Variants in ZNF778 observed in about 807,000 individuals in gnomAD.
The protein encoded by ZNF778 is zinc finger protein 778.
ZNF778 carries 37 observed loss-of-function variants against 23.9 expected under a neutral mutation model. That is an observed-to-expected ratio of 1.54 (90% CI 1.19 to 2.03). The LOEUF (loss-of-function observed/expected upper bound fraction) is 2.03, where lower values mean the gene tolerates loss of function less well. ZNF778 is among the 30% of genes most tolerant of loss of function. The pLI is 0.00. For synonymous variants in ZNF778, 483 were observed against 343.9 expected (o/e 1.40, Z -4.48); for missense variants, 1,297 against 934.4 (o/e 1.39, Z -5.06).
intron 4 of ZNF778, among the ~76,000 whole-genome samples, chr16:89,224,112 C>T (rs2031236663): frequency 6.6e-6 from 1 of 151,338 alleles, no homozygotes; most frequent in Non-Finnish European, 1.5e-5. Flanking sequence ...TCCGAGCACT[C>T]TGGGAGGCTG....
Position 89,229,999 on chromosome 16 carries a change from G to T in ZNF778, c.*1437G>T. The T allele has an allele frequency of 1.0e-6, 1 of 982,498 alleles. No individual in the cohort carries two copies. 60.9% of individuals were successfully genotyped at this position (982,498 alleles called of 1,614,324 possible). On this transcript the variant is annotated 3_prime_UTR_variant, in exon 7 of 7. Coordinates refer to ENST00000433976, the MANE Select transcript of ZNF778 (RefSeq NM_001201407.2). ...AGGATCCAGATGTGATCCTGTGTGA[G>T]CAGTGTAGGCTCTGGTTGGTTAGTC...
chr16:89,226,847 C>T lies in ZNF778; in HGVS notation c.559C>T (p.Gln187Ter), dbSNP rs780681960. The T allele has an allele frequency of 3.1e-6, 5 of 1,613,824 alleles. No individual in the cohort carries two copies. The highest frequency in any genetic ancestry group is 1.3e-5 in the African/African-American group (1 of 74,902). The change falls in exon 7 of 7, where the codon CAG becomes TAG. Residue 187 changes from glutamine to a stop codon, truncating the protein, a stop_gained. Transcript: ENST00000433976. LOFTEE classifies it low-confidence loss of function (END_TRUNC). ...HYERDFFIPC[Q>*]KTLFKIGEQF... ...TGAAAGGGACTTTTTTATTCCATGC[C>T]AGAAAACCTTGTTCAAAATTGGAGA...
In ZNF778 at chr16:89,223,143, G is replaced by T. The variant is rs1276911089; in HGVS notation, c.118-14G>T. 4.0e-5 allele frequency: 65 copies of T among 1,611,340 alleles called. No individual in the cohort carries two copies. Among genetic ancestry groups the T allele is most frequent in the Non-Finnish European group, 5.4e-5 (64 of 1,179,206 alleles). On this transcript the variant is annotated splice_polypyrimidine_tract_variant and intron_variant, in intron 3 of 6. Coordinates refer to ENST00000433976, the MANE Select transcript of ZNF778 (RefSeq NM_001201407.2). Reference sequence around the variant, plus strand: ...CACGTTGGAAGGCTCCAACCGTCATGTGTGATGATTTAGGACGCGGTGACC... The same window carrying T: ...CACGTTGGAAGGCTCCAACCGTCATTTGTGATGATTTAGGACGCGGTGACC...
rs944689058 is a variant in ZNF778 at position 89,236,507 on chromosome 16, C to T, written c.*7945C>T. On this transcript the variant is annotated 3_prime_UTR_variant, in exon 7 of 7. Transcript: ENST00000433976. The stretch of plus-strand genomic sequence containing the variant: ...TGGTTACAGAAAACTCTTAAGGAAA[C>T]CTGGAACAAAGGAAAAGCAATAGAA... 1 of 151,988 alleles carries T rather than the reference C, an allele frequency of 6.6e-6. No individual in the cohort carries two copies. Among genetic ancestry groups the T allele is most frequent in the East Asian group, 1.9e-4 (1 of 5,180 alleles). The allele number at this position is 151,988 out of a possible 1,614,324, so 9.4% of individuals were successfully genotyped here.
intron 3 of ZNF778, among the ~76,000 whole-genome samples, chr16:89,222,877 G>A (rs1228230624): frequency 1.3e-5 from 2 of 150,720 alleles, no homozygotes; most frequent in African/African-American, 4.9e-5. Context: ...TGTTAGAGGT[G>A]TCGTTGCGGC....
chr16:89,219,225 C>T (rs968887223), intron 1 of ZNF778, among the ~76,000 whole-genome samples: 3 of 152,210 alleles, frequency 2.0e-5, no homozygotes, highest in African/African-American at 4.8e-5. Flanking sequence ...GGACTAAGAG[C>T]CCTTCAAGGT....
At chr16:89,220,306 C>T (rs1178405234) in intron 1 of ZNF778, among the ~76,000 whole-genome samples, 1 of 152,200 alleles carries the variant, frequency 6.6e-6, no homozygotes, top group Non-Finnish European at 1.5e-5. Context: ...TAAGAAAGTA[C>T]AGCTCTAGAC....
Position 89,223,165 on chromosome 16 carries a change from G to A in ZNF778, c.126G>A (p.Val42=). ...CATGTGTGATGATTTAGGACGCGGTGACCTTTGACGACGTGGCTGTGGACT... is the reference window on the plus strand; with the variant it reads ...CATGTGTGATGATTTAGGACGCGGTAACCTTTGACGACGTGGCTGTGGACT... ...GWLINCYQDA[V]TFDDVAVDFT... Residue 42 remains valine (V), a synonymous_variant, in exon 4 of 7, where the codon GTG becomes GTA. Coordinates refer to ENST00000433976, the MANE Select transcript of ZNF778 (RefSeq NM_001201407.2). The A allele has an allele frequency of 3.7e-6, 6 of 1,613,272 alleles. No individual in the cohort carries two copies. The highest frequency in any genetic ancestry group is 1.1e-5 in the South Asian group (1 of 91,014).
chr16:89,222,045 G>A, intron 2 of ZNF778, 47 bp from the exon 3 acceptor site: 1 of 1,399,144 alleles, frequency 7.1e-7, no homozygotes, highest in Non-Finnish European at 9.9e-7. Flanking sequence ...TGTGGAATTA[G>A]GGTCAGCTCT....
chr16:89,223,159 C>T lies in ZNF778; in HGVS notation c.120C>T (p.Asp40=), dbSNP rs780508139. The T allele has an allele frequency of 3.3e-5, 54 of 1,612,648 alleles. No homozygotes were observed. The highest frequency in any genetic ancestry group is 2.7e-4 in the African/African-American group (20 of 74,794). The change falls in exon 4 of 7, where the codon GAC becomes GAT. Residue 40 remains aspartate (D), a splice_region_variant and synonymous_variant. Coordinates refer to ENST00000433976, the MANE Select transcript of ZNF778 (RefSeq NM_001201407.2). ...VAGWLINCYQ[D]AVTFDDVAVD... Reference sequence around the variant, plus strand: ...AACCGTCATGTGTGATGATTTAGGACGCGGTGACCTTTGACGACGTGGCTG... The same window carrying T: ...AACCGTCATGTGTGATGATTTAGGATGCGGTGACCTTTGACGACGTGGCTG...
rs72821304 is a variant in ZNF778 at position 89,228,292 on chromosome 16, A to G, written c.2004A>G (p.Thr668=). The G allele has an allele frequency of 5.0e-6, 8 of 1,605,638 alleles. No individual in the cohort carries two copies. Among genetic ancestry groups the G allele is most frequent in the Non-Finnish European group, 6.0e-6 (7 of 1,173,230 alleles). ...TTATCGAACACAGAAGGACTCACACAGGAGAGAAACCTTACATATGTAACG... is the reference window on the plus strand; with the variant it reads ...TTATCGAACACAGAAGGACTCACACGGGAGAGAAACCTTACATATGTAACG... The part of the protein sequence containing the change: ...SHLIEHRRTH[T]GEKPYICNEC... The change falls in exon 7 of 7, where the codon ACA becomes ACG. Residue 668 remains threonine, a synonymous_variant. Transcript: ENST00000433976.
At position 89,232,690 on chromosome 16, in the gene ZNF778, T is replaced by C; in HGVS notation, c.*4128T>C. The C allele has an allele frequency of 8.0e-7, 1 of 1,249,008 alleles. No homozygotes were observed. The allele number at this position is 1,249,008 out of a possible 1,614,324, so 77.4% of individuals were successfully genotyped here. ...ACATTTTCATCCTGGGGTCTTGCTG[T>C]GGGGGCTAGACCGTCCCTCTCAGGC... On this transcript the variant is annotated 3_prime_UTR_variant, in exon 7 of 7. Transcript: ENST00000433976.
In ZNF778 at chr16:89,229,960, G is replaced by A. The variant is rs2031824865; in HGVS notation, c.*1398G>A. On this transcript the variant is annotated 3_prime_UTR_variant, in exon 7 of 7. Coordinates refer to ENST00000433976, the MANE Select transcript of ZNF778 (RefSeq NM_001201407.2). ...GATTCTGTGAGCAGTGTAGGCTCTG[G>A]TTGGTTAGTCTTGAGGATCCAGATG... 1.0e-6 allele frequency: 1 copy of A among 981,800 alleles called. No homozygotes were observed. Among genetic ancestry groups the A allele is most frequent in the Non-Finnish European group, 1.2e-6 (1 of 827,658 alleles). 60.8% of individuals were successfully genotyped at this position (981,800 alleles called of 1,614,324 possible).
rs1275165519 is a variant in ZNF778 at position 89,221,254 on chromosome 16, G to T, written c.25+102G>T. On this transcript the variant is annotated intron_variant, in intron 2 of 6. Transcript: ENST00000433976. ...CGGGGCCTGAGTAGTCACGCTCCGG[G>T]TTCCTATTGCAGCTGCTGGAGTGAG... The T allele has an allele frequency of 3.7e-6, 5 of 1,350,894 alleles. No individual in the cohort carries two copies. In the South Asian group the frequency reaches 5.1e-5, roughly 14 times the overall value. 83.7% of individuals were successfully genotyped at this position (1,350,894 alleles called of 1,614,324 possible).
chr16:89,236,821 C>A lies in ZNF778; in HGVS notation c.*8259C>A, dbSNP rs1331655345. ...GTGTGGTGGCTCACGCCTGTAATCC[C>A]ACCACTTTGGGAGAGTGAGGTGGGT... On this transcript the variant is annotated 3_prime_UTR_variant, in exon 7 of 7. Coordinates refer to ENST00000433976, the MANE Select transcript of ZNF778 (RefSeq NM_001201407.2). The A allele has an allele frequency of 6.6e-6, 1 of 152,224 alleles. No individual in the cohort carries two copies. Among genetic ancestry groups the A allele is most frequent in the Non-Finnish European group, 1.5e-5 (1 of 68,086 alleles). The allele number at this position is 152,224 out of a possible 1,614,324, so 9.4% of individuals were successfully genotyped here.
chr16:89,219,999 G>T (rs2030763266), intron 1 of ZNF778, among the ~76,000 whole-genome samples: 1 of 152,212 alleles, frequency 6.6e-6, no homozygotes, highest in African/African-American at 2.4e-5. Flanking sequence ...TCTAAAATGT[G>T]TTCATTTTCT....
intron 1 of ZNF778, among the ~76,000 whole-genome samples, chr16:89,219,144 T>G (rs1389462321): frequency 6.6e-6 from 1 of 152,122 alleles, no homozygotes; most frequent in Admixed American, 6.5e-5. Context: ...AAGGAGGTCA[T>G]CCACTGTCTA....
At position 89,227,817 on chromosome 16, in the gene ZNF778, G is replaced by A. The variant is rs1405258993; in HGVS notation, c.1529G>A (p.Cys510Tyr). 1 of 1,614,144 alleles carries A rather than the reference G, an allele frequency of 6.2e-7. No individual in the cohort carries two copies. Among genetic ancestry groups the A allele is most frequent in the Non-Finnish European group, 8.5e-7 (1 of 1,180,018 alleles). The change falls in exon 7 of 7, where the codon TGT becomes TAT. Residue 510 changes from cysteine (C) to tyrosine (Y), a missense_variant. Physicochemically the swap from Cys to Tyr is radical, Grantham distance 194. Coordinates refer to ENST00000433976, the MANE Select transcript of ZNF778 (RefSeq NM_001201407.2). ...TGEKPYECKQ[C>Y]GKAFTGRSGL... ...GAGAAACCCTACGAATGTAAGCAGT[G>A]TGGCAAAGCCTTCACAGGGCGCTCA...
In ZNF778 at chr16:89,227,302, A is replaced by G. The variant is rs2031568452; in HGVS notation, c.1014A>G (p.Glu338=). 2 of 1,613,804 alleles carry G rather than the reference A, an allele frequency of 1.2e-6. No homozygotes were observed. Among genetic ancestry groups the G allele is most frequent in the Non-Finnish European group, 8.5e-7 (1 of 1,179,832 alleles). ...VRIHAAEKPC[E]CKECGKAFTG... ...TTCATGCTGCAGAGAAACCCTGTGAATGTAAAGAATGCGGAAAAGCCTTCA... is the reference window on the plus strand; with the variant it reads ...TTCATGCTGCAGAGAAACCCTGTGAGTGTAAAGAATGCGGAAAAGCCTTCA... The change falls in exon 7 of 7, where the codon GAA becomes GAG. Residue 338 remains glutamate, a synonymous_variant. Transcript: ENST00000433976.
Sources: allele counts gnomAD v4.1 joint callset (sites outside exome capture counted in the v4.1 genomes callset), GRCh38; gene constraint gnomAD v4.1.1; transcripts MANE v1.5; gene names NCBI Gene and HGNC (gene_info 2026-07-23, HGNC 2026-07-21).